Variants in LIN28B observed in about 807,000 individuals in gnomAD.
LIN28B encodes lin-28 RNA binding posttranscriptional regulator B.
In LIN28B, 5 loss-of-function variants were observed where a neutral mutation model predicts 21.9. That is an observed-to-expected ratio of 0.23 (90% CI 0.12 to 0.48). LIN28B has a LOEUF of 0.48. Ranked by LOEUF, LIN28B falls within the 20% of genes least tolerant of loss-of-function variation. The pLI, the probability that LIN28B is intolerant of heterozygous loss-of-function variation, is 0.98. For synonymous variants in LIN28B, 109 were observed against 111.3 expected (o/e 0.98, Z 0.13); for missense variants, 245 against 310.5 (o/e 0.79, Z 1.58).
At chr6:104,958,783 T>C (rs2114567250) in intron 2 of LIN28B, among the ~76,000 whole-genome samples, 1 of 152,288 alleles carries the variant, frequency 6.6e-6, no homozygotes, top group South Asian at 2.1e-4. Flanking sequence ...ATTTTGTAGA[T>C]TCAGATCAAA....
At chr6:104,967,416 C>A (rs1769884027) in intron 2 of LIN28B, among the ~76,000 whole-genome samples, 1 of 151,040 alleles carries the variant, frequency 6.6e-6, no homozygotes, top group Admixed American at 6.6e-5. Flanking sequence ...CCTGTCTCTC[C>A]TAAAAATACA....
rs1481601618 is a variant in LIN28B at position 105,023,557 on chromosome 6, A to ATTTTATATATTT, written c.199-2740_199-2739insTTTATATATTTT. ...ATAATATATATAATATATAACCTATATATATATATAATATATATAATATAT... is the reference window on the plus strand; with the variant it reads ...ATAATATATATAATATATAACCTATATTTTATATATTTTATATATATAATATATATAATATAT... On this transcript the variant is annotated intron_variant, in intron 2 of 3. Coordinates refer to ENST00000345080, the MANE Select transcript of LIN28B (RefSeq NM_001004317.4). 7.9e-3 allele frequency among the ~76,000 whole-genome samples: 3 copies of ATTTTATATATTT among 382 alleles called. 1 individual carries two copies. Among genetic ancestry groups the ATTTTATATATTT allele is most frequent in the African/African-American group, 0.026 (3 of 114 alleles). 0.3% of individuals were successfully genotyped at this position (382 alleles called of 152,430 possible). A position where few individuals can be genotyped will look rare whatever the true frequency, so the allele number is the denominator to read the frequency against.
At chr6:105,014,087 T>C (rs1770979280) in intron 2 of LIN28B, among the ~76,000 whole-genome samples, 1 of 152,170 alleles carries the variant, frequency 6.6e-6, no homozygotes, top group South Asian at 2.1e-4. Flanking sequence ...CAACTTTGAG[T>C]TTCCTTTGCA....
At position 105,061,382 on chromosome 6, in the gene LIN28B, T is replaced by C. The variant is rs189021330; in HGVS notation, c.384-17032T>C. On this transcript the variant is annotated intron_variant, in intron 3 of 3. Coordinates refer to ENST00000345080, the MANE Select transcript of LIN28B (RefSeq NM_001004317.4). ...GTATAAAAGGAATGGAAAATAGAAA[T>C]TAATTATAGAGCATTCATAAGATAT... 2.6e-5 allele frequency among the ~76,000 whole-genome samples: 4 copies of C among 152,138 alleles called. No homozygotes were observed. The East Asian group carries it at 7.7e-4, about 29-fold the overall frequency.
rs1772566262 is a variant in LIN28B at position 105,082,899 on chromosome 6, A to G, written c.*4116A>G. ...ACTACCTCTTGAATCACATCTATCA[A>G]CCACTGGCACCTACCACCAAGCTGG... On this transcript the variant is annotated 3_prime_UTR_variant, in exon 4 of 4. Coordinates refer to ENST00000345080, the MANE Select transcript of LIN28B (RefSeq NM_001004317.4). 6.5e-6 allele frequency: 1 copy of G among 152,700 alleles called. No homozygotes were observed. The highest frequency in any genetic ancestry group is 1.5e-5 in the Non-Finnish European group (1 of 68,044). 9.5% of individuals were successfully genotyped at this position (152,700 alleles called of 1,614,324 possible). A position where few individuals can be genotyped will look rare whatever the true frequency, so the allele number is the denominator to read the frequency against.
chr6:104,965,057 A>C (rs314274), intron 2 of LIN28B, among the ~76,000 whole-genome samples: 102,182 of 152,038 alleles, frequency 0.67, 34,417 homozygotes, highest in South Asian at 0.72. Flanking sequence ...CCAAAAGAAT[A>C]ATGGATAAGT....
Position 105,078,540 on chromosome 6 carries a change from A to G in LIN28B, c.510A>G (p.Ala170=). 1 of 1,614,150 alleles carries G rather than the reference A, an allele frequency of 6.2e-7. No homozygotes were observed. Residue 170 remains alanine (A), a synonymous_variant, in exon 4 of 4, where the codon GCA becomes GCG. Transcript: ENST00000345080. The part of the protein sequence containing the change: ...MVANCPHKNV[A]QPPASSQGRQ... ...CAAACTGCCCACATAAAAATGTTGC[A>G]CAGCCACCCGCGAGTTCTCAGGGAA...
In LIN28B at chr6:105,082,936, A is replaced by T. The variant is rs529828440; in HGVS notation, c.*4153A>T. ...TACCACCAAGCTGGCTTCAATTAGT[A>T]TGTGTTGCTTTTTGGTATTAACAAC... On this transcript the variant is annotated 3_prime_UTR_variant, in exon 4 of 4. Transcript: ENST00000345080. The T allele has an allele frequency of 6.6e-6, 1 of 152,634 alleles. No homozygotes were observed. Among genetic ancestry groups the T allele is most frequent in the Non-Finnish European group, 1.5e-5 (1 of 68,038 alleles). The allele number at this position is 152,634 out of a possible 1,614,324, so 9.5% of individuals were successfully genotyped here. A position where few individuals can be genotyped will look rare whatever the true frequency, so the allele number is the denominator to read the frequency against.
At chr6:105,043,341 C>CAAAAAAAAAAAAAAAAAAAAAAAA (rs57532096) in intron 3 of LIN28B, among the ~76,000 whole-genome samples, 3 of 75,384 alleles carry the variant, frequency 4.0e-5, no homozygotes, top group African/African-American at 7.2e-5. Flanking sequence ...GACTCTGTCT[C>CAAAAAAAAAAAAAAAAAAAAAAAA]AAAAAAAAAA....
intron 2 of LIN28B, among the ~76,000 whole-genome samples, chr6:105,013,791 A>G (rs1054798299): frequency 4.6e-5 from 7 of 151,908 alleles, no homozygotes; most frequent in African/African-American, 1.7e-4. Context: ...AATCTGATCT[A>G]TTTTTTAAGC....
intron 3 of LIN28B, among the ~76,000 whole-genome samples, chr6:105,052,556 C>T (rs1371113073): frequency 1.3e-5 from 2 of 152,106 alleles, no homozygotes; most frequent in South Asian, 2.1e-4. Context: ...GCCCCCATGA[C>T]CCAAATACTT....
intron 3 of LIN28B, among the ~76,000 whole-genome samples, chr6:105,068,835 G>A (rs1464938818): frequency 6.6e-6 from 1 of 152,052 alleles, no homozygotes; most frequent in Non-Finnish European, 1.5e-5. Flanking sequence ...TAGATATTAG[G>A]GTTTTGAAAA....
chr6:105,069,688 CA>C (rs745592711), intron 3 of LIN28B, among the ~76,000 whole-genome samples: 2,569 of 125,282 alleles, frequency 0.021, 19 homozygotes, highest in African/African-American at 0.039. Flanking sequence ...GACCCTGTCT[CA>C]AAAAAAAAAA....
At chr6:105,051,160 G>C (rs1216273387) in intron 3 of LIN28B, among the ~76,000 whole-genome samples, 1 of 151,640 alleles carries the variant, frequency 6.6e-6, no homozygotes, top group African/African-American at 2.4e-5. Flanking sequence ...AAAGCTGCGG[G>C]CTGGGCACAG....
intron 3 of LIN28B, among the ~76,000 whole-genome samples, chr6:105,069,501 G>T (rs962266226): frequency 5.9e-5 from 9 of 151,998 alleles, no homozygotes; most frequent in Admixed American, 5.9e-4. Flanking sequence ...AAGGTGGGAG[G>T]ATTACTTGAG....
chr6:105,019,973 A>G (rs1412715139), intron 2 of LIN28B, among the ~76,000 whole-genome samples: 4 of 152,148 alleles, frequency 2.6e-5, no homozygotes, highest in Non-Finnish European at 2.9e-5. Flanking sequence ...CCACTTCCCA[A>G]TCTAGTTGGA....
chr6:105,069,700 A>AG (rs962890776), intron 3 of LIN28B, among the ~76,000 whole-genome samples: 3 of 152,190 alleles, frequency 2.0e-5, no homozygotes, highest in African/African-American at 7.2e-5. Flanking sequence ...AAAAAAAAAA[A>AG]AAGCTGTAAG....
chr6:105,050,252 C>G (rs1436855176), intron 3 of LIN28B, among the ~76,000 whole-genome samples: 2 of 152,124 alleles, frequency 1.3e-5, no homozygotes, highest in Admixed American at 1.3e-4. Context: ...ATTTCTCCTT[C>G]ACTTATGAAG....
At chr6:105,025,201 C>G (rs1771264400) in intron 2 of LIN28B, among the ~76,000 whole-genome samples, 1 of 152,096 alleles carries the variant, frequency 6.6e-6, no homozygotes, top group African/African-American at 2.4e-5. Context: ...GGACTTCTAC[C>G]ATCATGTTTT....
Sources: gnomAD v4.1 joint callset for allele counts (sites outside exome capture counted in the v4.1 genomes callset) on GRCh38, gnomAD v4.1.1 for gene constraint, MANE v1.5 for transcripts, NCBI Gene and HGNC (gene_info 2026-07-23, HGNC 2026-07-21) for gene names.